ACTR2: variants seen among roughly 807,000 people sequenced by gnomAD.
The protein encoded by ACTR2 is actin related protein 2, also known as actin-related protein 2.
A neutral mutation model predicts 50.2 loss-of-function variants in ACTR2; 5 were observed. The ratio of observed to expected loss-of-function variants is 0.10; its 90% CI spans 0.05 to 0.21. The LOEUF (loss-of-function observed/expected upper bound fraction) is 0.21, where lower values mean the gene tolerates loss of function less well. Among genes scored for constraint, ACTR2 ranks in the 10% least tolerant of loss-of-function variants. ACTR2 has a pLI of 1.00. For synonymous variants in ACTR2, 140 were observed against 162.9 expected (o/e 0.86, Z 1.07); for missense variants, 180 against 480.6 (o/e 0.37, Z 5.85).
At chr2:65,249,397 G>T (rs1364132267) in intron 3 of ACTR2, among the ~76,000 whole-genome samples, 1 of 152,044 alleles carries the variant, frequency 6.6e-6, no homozygotes, top group African/African-American at 2.4e-5. Context: ...ATTTGTTTAT[G>T]ACTACAAATA....
At chr2:65,255,223 A>G (rs1370586764) in intron 5 of ACTR2, among the ~76,000 whole-genome samples, 1 of 152,220 alleles carries the variant, frequency 6.6e-6, no homozygotes, top group Admixed American at 6.6e-5. Flanking sequence ...CAGTACTAAA[A>G]TAATATTTAT....
intron 2 of ACTR2, among the ~76,000 whole-genome samples, chr2:65,243,017 G>A (rs1460661710): frequency 1.3e-5 from 2 of 152,134 alleles, no homozygotes; most frequent in African/African-American, 4.8e-5. Context: ...ACGGTGGCTT[G>A]TGCCTGTACT....
chr2:65,231,046 T>A (rs1355853082), intron 1 of ACTR2, among the ~76,000 whole-genome samples: 1 of 149,834 alleles, frequency 6.7e-6, no homozygotes, highest in African/African-American at 2.5e-5. Context: ...AGAGTGAGAC[T>A]GTCACAAAAA....
At chr2:65,252,865 G>A (rs1346431362) in intron 4 of ACTR2, among the ~76,000 whole-genome samples, 2 of 152,160 alleles carry the variant, frequency 1.3e-5, no homozygotes, top group African/African-American at 2.4e-5. Context: ...CACTTGAGAG[G>A]CTGAGGTGAG....
At chr2:65,233,837 C>T (rs1397374944) in intron 1 of ACTR2, among the ~76,000 whole-genome samples, 1 of 152,102 alleles carries the variant, frequency 6.6e-6, no homozygotes, top group Non-Finnish European at 1.5e-5. Flanking sequence ...TTTCGAACTC[C>T]TGACCTCAAA....
chr2:65,264,658 T>C (rs1205419552), intron 7 of ACTR2, among the ~76,000 whole-genome samples: 1 of 152,082 alleles, frequency 6.6e-6, no homozygotes, highest in Non-Finnish European at 1.5e-5. Context: ...AATGAAAAAT[T>C]AAAAAGCAGG....
chr2:65,260,168 A>AT (rs1672240156), intron 6 of ACTR2, among the ~76,000 whole-genome samples: 1 of 152,230 alleles, frequency 6.6e-6, no homozygotes, highest in African/African-American at 2.4e-5. Flanking sequence ...TTTTGGCAAA[A>AT]TAATAGTTTC....
chr2:65,262,743 G>C (rs1672292417), intron 7 of ACTR2, among the ~76,000 whole-genome samples: 1 of 152,010 alleles, frequency 6.6e-6, no homozygotes, highest in African/African-American at 2.4e-5. Context: ...GTTTGCTTAA[G>C]CCTAGGAGTT....
intron 6 of ACTR2, among the ~76,000 whole-genome samples, chr2:65,257,143 C>G (rs1672165120): frequency 6.6e-6 from 1 of 151,968 alleles, no homozygotes; most frequent in South Asian, 2.1e-4. Context: ...GTTCCCCTCC[C>G]TGTGCCCATA....
chr2:65,251,426 A>G (rs1040568442), intron 4 of ACTR2, among the ~76,000 whole-genome samples: 8 of 152,188 alleles, frequency 5.3e-5, no homozygotes, highest in South Asian at 2.1e-4. Context: ...CAATAGTGCA[A>G]TCTTGGCTTA....
At chr2:65,255,173 T>C (rs1319543082) in intron 5 of ACTR2, among the ~76,000 whole-genome samples, 4 of 152,206 alleles carry the variant, frequency 2.6e-5, no homozygotes, top group East Asian at 1.9e-4. Context: ...TTCATAAATA[T>C]GGCATTAATT....
At chr2:65,252,741 G>T (rs540030687) in intron 4 of ACTR2, among the ~76,000 whole-genome samples, 1 of 152,264 alleles carries the variant, frequency 6.6e-6, no homozygotes, top group Middle Eastern at 3.4e-3. Context: ...AGCCAAGGTG[G>T]TCAAATTGCT....
chr2:65,264,219 GCTT>G (rs1305503176), intron 7 of ACTR2, among the ~76,000 whole-genome samples: 2 of 152,180 alleles, frequency 1.3e-5, no homozygotes, highest in African/African-American at 4.8e-5. Context: ...ACATGTAAAT[GCTT>G]GTGAGTACTT....
intron 4 of ACTR2, among the ~76,000 whole-genome samples, chr2:65,253,175 C>G (rs114485143): frequency 0.018 from 2,692 of 152,226 alleles, 82 homozygotes; most frequent in African/African-American, 0.061. Context: ...TGTGGTGGCT[C>G]ACGCCTGTAA....
At chr2:65,266,111 G>A (rs1418080159) in intron 8 of ACTR2, among the ~76,000 whole-genome samples, 1 of 152,070 alleles carries the variant, frequency 6.6e-6, no homozygotes, top group Non-Finnish European at 1.5e-5. Context: ...TGAACTCCTG[G>A]GTGCCAGACA....
At position 65,232,753 on chromosome 2, in the gene ACTR2, C is replaced by T. The variant is rs558445128; in HGVS notation, c.48+4796C>T. Among the ~76,000 whole-genome samples, 4 of 152,096 alleles carry T rather than the reference C, an allele frequency of 2.6e-5. No individual in the cohort carries two copies. In the South Asian group the frequency reaches 8.3e-4, roughly 32 times the overall value. On this transcript the variant is annotated intron_variant, in intron 1 of 8. Coordinates refer to ENST00000260641, the MANE Select transcript of ACTR2 (RefSeq NM_005722.4). ...AACATTATACTGTTCATATTCTTAC[C>T]ATTTGATGACTCAGTGGGAAGTAAG...
intron 3 of ACTR2, among the ~76,000 whole-genome samples, chr2:65,249,866 C>T (rs1672010732): frequency 6.6e-6 from 1 of 152,152 alleles, no homozygotes; most frequent in African/African-American, 2.4e-5. Context: ...AGCAGCTAAG[C>T]CATTTCTGTA....
intron 6 of ACTR2, among the ~76,000 whole-genome samples, chr2:65,255,938 G>A (rs919756741): frequency 1.2e-4 from 18 of 152,134 alleles, no homozygotes; most frequent in Non-Finnish European, 1.6e-4. Flanking sequence ...AATTAGATGC[G>A]AGATGTTATT....
intron 1 of ACTR2, among the ~76,000 whole-genome samples, chr2:65,239,047 T>A (rs1671793243): frequency 6.6e-6 from 1 of 152,252 alleles, no homozygotes; most frequent in Non-Finnish European, 1.5e-5. Context: ...GACACTTGGT[T>A]TTCCCATTTT....
Sources: gnomAD v4.1 joint callset for allele counts (sites outside exome capture counted in the v4.1 genomes callset) on GRCh38, gnomAD v4.1.1 for gene constraint, MANE v1.5 for transcripts, NCBI Gene and HGNC (gene_info 2026-07-23, HGNC 2026-07-21) for gene names.